DACH1: variants seen among roughly 807,000 people sequenced by gnomAD.
DACH1 encodes dachshund homolog 1.
Under a neutral mutation model 54.2 loss-of-function variants are expected in DACH1, and 12 were observed. That is an observed-to-expected ratio of 0.22 (90% confidence interval 0.14 to 0.36). The LOEUF is 0.36. Among genes scored for constraint, DACH1 ranks in the 10% least tolerant of loss-of-function variants. The probability of loss-of-function intolerance (pLI) is 1.00; values close to 1 mark genes in which losing one functional copy is unlikely to be tolerated. For synonymous variants in DACH1, 386 were observed against 366.2 expected (o/e 1.05, Z -0.62); for missense variants, 805 against 929.8 (o/e 0.87, Z 1.75).
At chr13:71,592,042 TAA>T (rs1200724916) in intron 3 of DACH1, among the ~76,000 whole-genome samples, 2 of 152,048 alleles carry the variant, frequency 1.3e-5, no homozygotes, top group African/African-American at 2.4e-5. Context: ...CAGAAATTAG[TAA>T]AAGTTAGGTG....
intron 2 of DACH1, among the ~76,000 whole-genome samples, chr13:71,637,806 A>C (rs924993657): frequency 6.6e-6 from 1 of 152,182 alleles, no homozygotes; most frequent in Non-Finnish European, 1.5e-5. Context: ...TATTTCAAAT[A>C]AGTTAGTACC....
At chr13:71,780,789 G>A (rs184562129) in intron 1 of DACH1, among the ~76,000 whole-genome samples, 158 of 151,556 alleles carry the variant, frequency 1.0e-3, no homozygotes, top group Middle Eastern at 0.01. Flanking sequence ...TTAATGTTTT[G>A]TTTAACTTTC....
At chr13:71,602,771 A>G (rs1332546678) in intron 3 of DACH1, among the ~76,000 whole-genome samples, 1 of 152,018 alleles carries the variant, frequency 6.6e-6, no homozygotes, top group Non-Finnish European at 1.5e-5. Flanking sequence ...CACCATGTGC[A>G]TGCCAGAATA....
intron 3 of DACH1, among the ~76,000 whole-genome samples, chr13:71,601,531 G>T (rs555414991): frequency 6.6e-6 from 1 of 151,994 alleles, no homozygotes; most frequent in Admixed American, 6.6e-5. Flanking sequence ...GAGTGAAGTA[G>T]AATACATTTC....
chr13:71,504,915 G>C (rs1194638666), intron 6 of DACH1, among the ~76,000 whole-genome samples: 1 of 152,054 alleles, frequency 6.6e-6, no homozygotes. Context: ...CTTGAATGGT[G>C]CCTGGCTTTT....
chr13:71,862,668 T>C (rs1039132881), intron 1 of DACH1, among the ~76,000 whole-genome samples: 1 of 152,068 alleles, frequency 6.6e-6, no homozygotes, highest in African/African-American at 2.4e-5. Flanking sequence ...TTTTCATAGA[T>C]AACATACTAA....
intron 3 of DACH1, among the ~76,000 whole-genome samples, chr13:71,616,389 G>C (rs1875766511): frequency 6.6e-6 from 1 of 152,182 alleles, no homozygotes; most frequent in Non-Finnish European, 1.5e-5. Context: ...TGTAGCCTAA[G>C]AAATGAAAGT....
intron 1 of DACH1, among the ~76,000 whole-genome samples, chr13:71,788,194 G>A (rs758640903): frequency 1.3e-5 from 2 of 152,086 alleles, no homozygotes; most frequent in African/African-American, 4.8e-5. Flanking sequence ...GAAGACAGAC[G>A]TCAGGTCTTA....
At chr13:71,639,305 T>C (rs191984267) in intron 2 of DACH1, among the ~76,000 whole-genome samples, 4 of 152,274 alleles carry the variant, frequency 2.6e-5, no homozygotes, top group Admixed American at 1.3e-4. Flanking sequence ...AAAAACTTAA[T>C]TGTAAATCTG....
chr13:71,800,661 A>T (rs1887256086), intron 1 of DACH1, among the ~76,000 whole-genome samples: 1 of 152,098 alleles, frequency 6.6e-6, no homozygotes, highest in South Asian at 2.1e-4. Context: ...AGTATTTCAA[A>T]TCCTCATTTA....
chr13:71,447,195 T>C (rs1306688209), intron 10 of DACH1, among the ~76,000 whole-genome samples: 1 of 152,110 alleles, frequency 6.6e-6, no homozygotes, highest in Non-Finnish European at 1.5e-5. Context: ...CTACAGAAAA[T>C]AAATTGAAGA....
intron 3 of DACH1, among the ~76,000 whole-genome samples, chr13:71,603,486 T>A (rs1566371863): frequency 6.6e-6 from 1 of 152,002 alleles, no homozygotes; most frequent in African/African-American, 2.4e-5. Flanking sequence ...AATGTGTGCA[T>A]TGAGTGGCTG....
intron 1 of DACH1, among the ~76,000 whole-genome samples, chr13:71,729,343 G>A (rs1883633735): frequency 6.6e-6 from 1 of 151,940 alleles, no homozygotes; most frequent in South Asian, 2.1e-4. Context: ...AGAACATTCT[G>A]ATAGATTTTA....
At chr13:71,694,135 G>C (rs1333455466) in intron 1 of DACH1, among the ~76,000 whole-genome samples, 1 of 152,108 alleles carries the variant, frequency 6.6e-6, no homozygotes, top group East Asian at 1.9e-4. Flanking sequence ...TCACTGACAA[G>C]TTATTTGTAT....
At chr13:71,648,815 T>G (rs911991188) in intron 2 of DACH1, among the ~76,000 whole-genome samples, 2 of 152,184 alleles carry the variant, frequency 1.3e-5, no homozygotes, top group Non-Finnish European at 2.9e-5. Flanking sequence ...GATGACAGTT[T>G]CCTTCCTATA....
chr13:71,453,812 A>G (rs913279789), intron 10 of DACH1, among the ~76,000 whole-genome samples: 1 of 152,182 alleles, frequency 6.6e-6, no homozygotes, highest in Admixed American at 6.6e-5. Flanking sequence ...TCAATGAAAG[A>G]GCTCTCAAAA....
At chr13:71,652,200 C>G (rs1878736384) in intron 2 of DACH1, among the ~76,000 whole-genome samples, 1 of 152,208 alleles carries the variant, frequency 6.6e-6, no homozygotes, top group Admixed American at 6.5e-5. Flanking sequence ...GCCTCCTCAT[C>G]ATCTAAATGA....
intron 1 of DACH1, among the ~76,000 whole-genome samples, chr13:71,822,383 G>C (rs1391331067): frequency 1.3e-5 from 2 of 152,056 alleles, no homozygotes; most frequent in Admixed American, 6.6e-5. Context: ...TATTTTCTTA[G>C]ATTCCTTCCT....
rs7319914 is a variant in DACH1, at chr13:71,630,999, A to C, written c.965-282T>G. ...CGACAGTTATCTCTTAAAGAAACCAATCTACGAATCTAAATATGTCTTTTC... is the reference window on the plus strand; with the variant it reads ...CGACAGTTATCTCTTAAAGAAACCACTCTACGAATCTAAATATGTCTTTTC... On this transcript the variant is annotated intron_variant, in intron 2 of 10. Transcript: ENST00000613252. Among the ~76,000 whole-genome samples, 754 of 152,272 alleles carry C rather than the reference A, an allele frequency of 5.0e-3. 8 individuals are homozygous for C. Among genetic ancestry groups the C allele is most frequent in the African/African-American group, 0.017 (714 of 41,560 alleles).
Sources: gnomAD v4.1 joint callset for allele counts (sites outside exome capture counted in the v4.1 genomes callset) on GRCh38, gnomAD v4.1.1 for gene constraint, MANE v1.5 for transcripts, NCBI Gene and HGNC (gene_info 2026-07-23, HGNC 2026-07-21) for gene names.